RASA2: variants seen among roughly 807,000 people sequenced by gnomAD.
RASA2 encodes the protein RAS p21 protein activator 2.
RASA2 carries 155 observed loss-of-function variants against 118.2 expected under a neutral mutation model. The observed-to-expected ratio is 1.31, with a 90% CI of 1.15 to 1.50. RASA2 has a LOEUF of 1.50. RASA2 is among the 40% of genes most tolerant of loss of function. The pLI is 0.00. For missense variants in RASA2, 1,016 were observed against 1,009.6 expected (o/e 1.01, Z -0.09); for synonymous variants, 353 against 349.1 (o/e 1.01, Z -0.12).
chr3:141,548,500 T>TCA (rs2082521600), intron 5 of RASA2, among the ~76,000 whole-genome samples: 1 of 152,206 alleles, frequency 6.6e-6, no homozygotes, highest in African/African-American at 2.4e-5. Flanking sequence ...CTCTCCATAC[T>TCA]CACTGTCTTG....
Position 141,581,171 on chromosome 3 carries a change from TAAA to T in RASA2, c.1749_1751del (p.Lys584del), listed in dbSNP as rs1322866568. The T allele has an allele frequency of 6.6e-7, 1 of 1,510,210 alleles. No individual in the cohort carries two copies. The highest frequency in any genetic ancestry group is 2.5e-5 in the Admixed American group (1 of 40,096). The allele number at this position is 1,510,210 out of a possible 1,614,324, so 93.6% of individuals were successfully genotyped here. ...AAGAAGAAGGATATATTATAGCAGT[TAAA>T]AAGGTATGATGGTTTTATTCTGGAA... On this transcript the variant is annotated inframe_deletion, in exon 17 of 24. Transcript: ENST00000286364.
Position 141,558,909 on chromosome 3 carries a change from C to T in RASA2, c.708C>T (p.Thr236=). The part of the protein sequence containing the change: ...YFEVTRSSSY[T]RKSQFQVEEE... ...AGGTAACCAGATCCAGTAGTTACAC[C>T]AGAAAGTCCCAGTTCCAGGTAGAAG... is the stretch of plus-strand genomic sequence containing the variant. The change falls in exon 8 of 24, where the codon ACC becomes ACT. Residue 236 remains threonine (T), a synonymous_variant. Coordinates refer to ENST00000286364, the MANE Select transcript of RASA2 (RefSeq NM_006506.5). 1.2e-6 allele frequency: 2 copies of T among 1,605,932 alleles called. No individual in the cohort carries two copies. Among genetic ancestry groups the T allele is most frequent in the Non-Finnish European group, 1.7e-6 (2 of 1,173,618 alleles).
intron 4 of RASA2, among the ~76,000 whole-genome samples, chr3:141,538,970 G>T (rs578013230): frequency 6.6e-6 from 1 of 152,276 alleles, no homozygotes; most frequent in Admixed American, 6.5e-5. Flanking sequence ...GACATTTCCT[G>T]AGAGACAGTT....
In RASA2 at chr3:141,513,197, GT is replaced by G. The variant is rs35492761; in HGVS notation, c.251+928del. On this transcript the variant is annotated intron_variant, in intron 2 of 23. Coordinates refer to ENST00000286364, the MANE Select transcript of RASA2 (RefSeq NM_006506.5). The stretch of plus-strand genomic sequence containing the variant: ...TAGGTCAGTTGTATTTTAGGGATCT[GT>G]TTTTTTTTTTATGCCTTTAAAAAAA... 6.5e-3 allele frequency among the ~76,000 whole-genome samples: 942 copies of G among 145,068 alleles called. 10 individuals carry two copies. Among genetic ancestry groups the G allele is most frequent in the African/African-American group, 0.021 (846 of 39,692 alleles).
At chr3:141,489,915 C>T (rs894955931) in intron 1 of RASA2, among the ~76,000 whole-genome samples, 2 of 145,988 alleles carry the variant, frequency 1.4e-5, no homozygotes, top group Non-Finnish European at 3.0e-5. Flanking sequence ...CATGAGACCT[C>T]AATATATATA....
chr3:141,586,002 T>TTTA, intron 17 of RASA2, 23 bp from the exon 18 acceptor site: 1 of 1,574,250 alleles, frequency 6.4e-7, no homozygotes, highest in East Asian at 2.2e-5. Context: ...CACAGTGTAA[T>TTTA]ATTTGCCCAT....
At chr3:141,586,142 A>G (rs367754116) in intron 18 of RASA2, 44 bp downstream of exon 18, 104 of 1,504,412 alleles carry the variant, frequency 6.9e-5, no homozygotes, top group Non-Finnish European at 9.1e-5. Flanking sequence ...ATCAGTATAG[A>G]TATTAAGTAA....
At chr3:141,588,398 C>T (rs529964974) in intron 19 of RASA2, among the ~76,000 whole-genome samples, 9 of 152,284 alleles carry the variant, frequency 5.9e-5, no homozygotes, top group South Asian at 2.1e-4. Flanking sequence ...AGTAGAAGGG[C>T]GCAGGCTTAA....
Position 141,612,436 on chromosome 3 carries a change from C to T in RASA2, c.*123C>T, listed in dbSNP as rs576079892. Reference sequence around the variant, plus strand: ...TCCGCTTCAATGTCATCTGCCTCCACATTGTATTTAATATTTAATAATTGA... The same window carrying T: ...TCCGCTTCAATGTCATCTGCCTCCATATTGTATTTAATATTTAATAATTGA... On this transcript the variant is annotated 3_prime_UTR_variant, in exon 24 of 24. Coordinates refer to ENST00000286364, the MANE Select transcript of RASA2 (RefSeq NM_006506.5). The T allele has an allele frequency of 5.7e-6, 4 of 706,504 alleles. No homozygotes were observed. In the Admixed American group the frequency reaches 1.4e-4, roughly 24 times the overall value. The allele number at this position is 706,504 out of a possible 1,614,324, so 43.8% of individuals were successfully genotyped here. A position where few individuals can be genotyped will look rare whatever the true frequency, so the allele number is the denominator to read the frequency against.
intron 5 of RASA2, among the ~76,000 whole-genome samples, chr3:141,550,833 G>C (rs1203186339): frequency 6.6e-6 from 1 of 152,134 alleles, no homozygotes; most frequent in Non-Finnish European, 1.5e-5. Context: ...CTCCAGCCTG[G>C]GCGACAGAGT....
intron 3 of RASA2, among the ~76,000 whole-genome samples, chr3:141,520,680 A>C (rs1165445284): frequency 3.3e-5 from 5 of 152,148 alleles, no homozygotes; most frequent in Non-Finnish European, 7.3e-5. Flanking sequence ...ATACACATAC[A>C]CTTATATACA....
At chr3:141,545,504 G>A (rs1276270387) in intron 5 of RASA2, among the ~76,000 whole-genome samples, 16 of 136,278 alleles carry the variant, frequency 1.2e-4, no homozygotes, top group African/African-American at 3.9e-4. Flanking sequence ...TCACTCTGTC[G>A]ACCAGGCTGG....
At chr3:141,503,453 C>G (rs2081815715) in intron 1 of RASA2, among the ~76,000 whole-genome samples, 1 of 152,156 alleles carries the variant, frequency 6.6e-6, no homozygotes, top group South Asian at 2.1e-4. Context: ...AGAGAGTTGG[C>G]TGTTTTTCCA....
intron 9 of RASA2, among the ~76,000 whole-genome samples, chr3:141,569,250 A>C (rs2082873529): frequency 6.6e-6 from 1 of 152,160 alleles, no homozygotes; most frequent in Admixed American, 6.5e-5. Flanking sequence ...TGTAATGGGC[A>C]TATTATTTTA....
chr3:141,605,396 T>C (rs1383599184), intron 19 of RASA2, among the ~76,000 whole-genome samples: 3 of 152,182 alleles, frequency 2.0e-5, no homozygotes, highest in South Asian at 2.1e-4. Context: ...CTAACTCACA[T>C]TGCAGTTCAC....
intron 5 of RASA2, among the ~76,000 whole-genome samples, chr3:141,542,972 T>C (rs1403204697): frequency 6.6e-6 from 1 of 152,146 alleles, no homozygotes; most frequent in Non-Finnish European, 1.5e-5. Context: ...GTCACTTTTT[T>C]AAAAAAATCA....
At chr3:141,513,541 T>G (rs2081983143) in intron 2 of RASA2, among the ~76,000 whole-genome samples, 1 of 152,194 alleles carries the variant, frequency 6.6e-6, no homozygotes, top group African/African-American at 2.4e-5. Context: ...GTCTTTCATA[T>G]CATGTTTTCA....
intron 4 of RASA2, among the ~76,000 whole-genome samples, chr3:141,530,694 A>G (rs1164436171): frequency 6.6e-6 from 1 of 152,144 alleles, no homozygotes; most frequent in Admixed American, 6.6e-5. Flanking sequence ...TCTTTGATTA[A>G]TTATTAAATT....
At chr3:141,544,611 GA>G (rs1577712044) in intron 5 of RASA2, among the ~76,000 whole-genome samples, 1 of 152,008 alleles carries the variant, frequency 6.6e-6, no homozygotes, top group Non-Finnish European at 1.5e-5. Flanking sequence ...ATTTATATTT[GA>G]TTCTTCTTTA....
Sources: allele counts gnomAD v4.1 joint callset (sites outside exome capture counted in the v4.1 genomes callset), GRCh38; gene constraint gnomAD v4.1.1; transcripts MANE v1.5; gene names NCBI Gene and HGNC (gene_info 2026-07-23, HGNC 2026-07-21).